The following FGGY variants were observed in gnomAD, a reference collection of about 807,000 sequenced individuals.
The protein encoded by FGGY is FGGY carbohydrate kinase domain-containing protein.
Under a neutral mutation model 71.3 loss-of-function variants are expected in FGGY, and 72 were observed. That is an observed-to-expected ratio of 1.01 (90% CI 0.84 to 1.23). The LOEUF (loss-of-function observed/expected upper bound fraction) is 1.23. Among genes scored for constraint, FGGY ranks in the 50% most tolerant of loss-of-function variants. The pLI, the probability that FGGY is intolerant of heterozygous loss-of-function variation, is 0.00. For missense variants in FGGY, 668 were observed against 682.3 expected (o/e 0.98, Z 0.23); for synonymous variants, 251 against 250.3 (o/e 1.00, Z -0.02).
chr1:59,620,612 A>AT (rs143942934), intron 9 of FGGY, among the ~76,000 whole-genome samples: 2,425 of 152,012 alleles, frequency 0.016, 77 homozygotes, highest in African/African-American at 0.056. Context: ...TTAAATGACT[A>AT]TTTTTCAATT....
At chr1:59,594,939 G>A (rs75584541) in intron 8 of FGGY, among the ~76,000 whole-genome samples, 8,031 of 152,262 alleles carry the variant, frequency 0.053, 413 homozygotes, top group African/African-American at 0.14. Flanking sequence ...CCCCTGGGCA[G>A]TACTCTGACC....
At chr1:59,572,488 G>A (rs1227194622) in intron 8 of FGGY, among the ~76,000 whole-genome samples, 4 of 152,142 alleles carry the variant, frequency 2.6e-5, no homozygotes, top group African/African-American at 4.8e-5. Flanking sequence ...AAACTGAAAG[G>A]TTTTAAGCAC....
chr1:59,722,943 C>T (rs1215997309), intron 14 of FGGY, among the ~76,000 whole-genome samples: 24 of 152,288 alleles, frequency 1.6e-4, no homozygotes, highest in African/African-American at 5.8e-4. Context: ...ACTACAGGCA[C>T]CCGCCACCAT....
At chr1:59,648,698 T>C (rs1319695883) in intron 11 of FGGY, among the ~76,000 whole-genome samples, 6 of 150,660 alleles carry the variant, frequency 4.0e-5, no homozygotes, top group Admixed American at 1.3e-4. Flanking sequence ...ATTTTGTAGG[T>C]TGCCTGTTCA....
intron 1 of FGGY, among the ~76,000 whole-genome samples, chr1:59,308,827 T>C (rs1489220685): frequency 6.6e-6 from 1 of 152,228 alleles, no homozygotes; most frequent in Admixed American, 6.5e-5. Context: ...ATAATACAAA[T>C]GGCATCATAC....
intron 5 of FGGY, among the ~76,000 whole-genome samples, chr1:59,400,971 A>G (rs1276676329): frequency 2.0e-5 from 3 of 152,196 alleles, no homozygotes; most frequent in African/African-American, 7.2e-5. Context: ...TATATATGTT[A>G]TGAGTATGAG....
intron 8 of FGGY, among the ~76,000 whole-genome samples, chr1:59,588,051 A>T (rs540746124): frequency 6.6e-6 from 1 of 152,354 alleles, no homozygotes; most frequent in African/African-American, 2.4e-5. Flanking sequence ...TTTGAAAAAA[A>T]TTCAGATGAA....
At chr1:59,410,007 C>A (rs2063367125) in intron 5 of FGGY, among the ~76,000 whole-genome samples, 1 of 152,120 alleles carries the variant, frequency 6.6e-6, no homozygotes, top group South Asian at 2.1e-4. Flanking sequence ...AGGATTTGAG[C>A]CCAGGTCTGA....
chr1:59,417,397 T>C (rs759252743), intron 5 of FGGY, among the ~76,000 whole-genome samples: 8 of 152,260 alleles, frequency 5.3e-5, no homozygotes, highest in Non-Finnish European at 1.0e-4. Flanking sequence ...TGAACACTGA[T>C]TGATGTACAA....
At chr1:59,388,871 A>G (rs1012621812) in intron 5 of FGGY, among the ~76,000 whole-genome samples, 3 of 152,070 alleles carry the variant, frequency 2.0e-5, no homozygotes, top group Non-Finnish European at 4.4e-5. Flanking sequence ...CATTACCACT[A>G]TCTATTTCTA....
chr1:59,586,527 G>C (rs1423744931), intron 8 of FGGY, among the ~76,000 whole-genome samples: 1 of 152,108 alleles, frequency 6.6e-6, no homozygotes, highest in African/African-American at 2.4e-5. Flanking sequence ...GGAGTGGGGA[G>C]GGATAGCATT....
At chr1:59,307,210 A>G (rs1031743625) in intron 1 of FGGY, among the ~76,000 whole-genome samples, 1 of 149,192 alleles carries the variant, frequency 6.7e-6, no homozygotes, top group Admixed American at 6.7e-5. Flanking sequence ...GCTACTCGTG[A>G]GGCTGTTATG....
At chr1:59,726,060 G>T (rs1209712654) in intron 14 of FGGY, among the ~76,000 whole-genome samples, 1 of 151,982 alleles carries the variant, frequency 6.6e-6, no homozygotes, top group Non-Finnish European at 1.5e-5. Context: ...TTTTGTACAT[G>T]TTCTTTATCG....
intron 7 of FGGY, among the ~76,000 whole-genome samples, chr1:59,544,430 G>A (rs2095491026): frequency 1.3e-5 from 2 of 152,114 alleles, no homozygotes; most frequent in Admixed American, 6.5e-5. Context: ...AGTACAGGGA[G>A]GGCACCTCTC....
At chr1:59,601,966 G>A (rs1181027540) in intron 8 of FGGY, among the ~76,000 whole-genome samples, 1 of 152,180 alleles carries the variant, frequency 6.6e-6, no homozygotes, top group Non-Finnish European at 1.5e-5. Context: ...AGTACTTCAA[G>A]AAGCCCCAGG....
At chr1:59,400,557 T>TG (rs775960265) in intron 5 of FGGY, among the ~76,000 whole-genome samples, 2 of 151,154 alleles carry the variant, frequency 1.3e-5, no homozygotes, top group Non-Finnish European at 2.9e-5. Flanking sequence ...TTTTTTTTTT[T>TG]GTATTCTGTA....
chr1:59,537,024 G>T (rs1360523386), intron 7 of FGGY, among the ~76,000 whole-genome samples: 1 of 151,842 alleles, frequency 6.6e-6, no homozygotes, highest in African/African-American at 2.4e-5. Flanking sequence ...AGGAAATAAA[G>T]GGTATTCAAT....
At chr1:59,386,018 A>G (rs147431462) in intron 5 of FGGY, among the ~76,000 whole-genome samples, 19 of 152,310 alleles carry the variant, frequency 1.2e-4, no homozygotes, top group African/African-American at 4.3e-4. Flanking sequence ...ACAAAATTTT[A>G]ATTTTAAAAT....
rs137922473 is a variant in FGGY, at chr1:59,567,490, T to C, written c.903+13263T>C. Among the ~76,000 whole-genome samples the C allele has an allele frequency of 1.8e-4, 27 of 152,258 alleles. No individual in the cohort carries two copies. In the East Asian group the frequency reaches 5.2e-3, roughly 29 times the overall value. On this transcript the variant is annotated intron_variant, in intron 8 of 15. Coordinates refer to ENST00000303721, the MANE Select transcript of FGGY (RefSeq NM_018291.5). ...TAACTGGAAGATGCTTTTGAATGAA[T>C]GATCAGCTACCCAGGTACTATTTGA...
Sources: gnomAD v4.1 joint callset for allele counts (sites outside exome capture counted in the v4.1 genomes callset) on GRCh38, gnomAD v4.1.1 for gene constraint, MANE v1.5 for transcripts, NCBI Gene and HGNC (gene_info 2026-07-23, HGNC 2026-07-21) for gene names.